Variants in L2HGDH observed in about 807,000 individuals in gnomAD.
The protein encoded by L2HGDH is L-2-hydroxyglutarate dehydrogenase.
A neutral mutation model predicts 51.5 loss-of-function variants in L2HGDH; 34 were observed. The observed-to-expected ratio is 0.66, with a 90% CI of 0.50 to 0.88. The LOEUF (loss-of-function observed/expected upper bound fraction) is 0.88, where lower values mean the gene tolerates loss of function less well. Ranked by LOEUF, L2HGDH falls within the 40% of genes least tolerant of loss-of-function variation. L2HGDH has a pLI of 0.00. For missense variants in L2HGDH, 558 were observed against 571.9 expected (o/e 0.98, Z 0.25); for synonymous variants, 198 against 197.9 (o/e 1.00, Z -0.01).
At chr14:50,259,878 C>T (rs2139954903) in intron 9 of L2HGDH, among the ~76,000 whole-genome samples, 1 of 146,384 alleles carries the variant, frequency 6.8e-6, no homozygotes, top group Non-Finnish European at 1.5e-5. Context: ...TGCTTAGTGT[C>T]AGTAGTCATT....
rs542194311 is a variant in L2HGDH, at chr14:50,277,646, G to A, written c.738+874C>T. Among the ~76,000 whole-genome samples the A allele has an allele frequency of 2.9e-4, 44 of 151,878 alleles. No homozygotes were observed. In the East Asian group the frequency reaches 5.6e-3, roughly 19 times the overall value. On this transcript the variant is annotated intron_variant, in intron 6 of 9. Transcript: ENST00000267436. ...AAAAAATTAGCCAGGTGTGGTGGCG[G>A]GCGCCTGTCCCAGCTACTCGGGAGG...
intron 8 of L2HGDH, 41 bp from the exon 9 acceptor site, chr14:50,265,530 T>C (rs1353890132): frequency 6.5e-7 from 1 of 1,538,114 alleles, no homozygotes; most frequent in Non-Finnish European, 8.9e-7. Flanking sequence ...AGAAAGGAAT[T>C]CTTTATTACG....
chr14:50,254,243 A>T (rs1888525292), intron 9 of L2HGDH, among the ~76,000 whole-genome samples: 1 of 152,148 alleles, frequency 6.6e-6, no homozygotes. Flanking sequence ...ACGAATAACC[A>T]ATTTTCCATA....
intron 9 of L2HGDH, 41 bp downstream of exon 9, chr14:50,265,317 A>C (rs370203574): frequency 2.2e-5 from 35 of 1,559,582 alleles, no homozygotes; most frequent in Non-Finnish European, 3.0e-5. Flanking sequence ...AAGTTCACAT[A>C]GGTCAGGACT....
In L2HGDH at chr14:50,274,895, CACTT is replaced by C. The variant is rs569604035; in HGVS notation, c.738+3621_738+3624del. Among the ~76,000 whole-genome samples the C allele has an allele frequency of 3.1e-3, 425 of 136,616 alleles. 1 individual carries two copies. Among genetic ancestry groups the C allele is most frequent in the Non-Finnish European group, 3.6e-3 (237 of 66,390 alleles). 89.6% of individuals were successfully genotyped at this position (136,616 alleles called of 152,430 possible). ...GTGAAAGACAAATACTGTATGATCT[CACTT>C]ACATGTGAGATCTAAAAAAGTTGAA... is the stretch of plus-strand genomic sequence containing the variant. On this transcript the variant is annotated intron_variant, in intron 6 of 9. Coordinates refer to ENST00000267436, the MANE Select transcript of L2HGDH (RefSeq NM_024884.3).
At chr14:50,256,699 T>G (rs989486735) in intron 9 of L2HGDH, among the ~76,000 whole-genome samples, 4 of 152,094 alleles carry the variant, frequency 2.6e-5, no homozygotes, top group African/African-American at 9.7e-5. Context: ...CTCCTCTTTC[T>G]TCACTTATTG....
intron 1 of L2HGDH, among the ~76,000 whole-genome samples, chr14:50,311,085 G>A (rs2031127630): frequency 1.3e-5 from 2 of 151,466 alleles, no homozygotes; most frequent in Non-Finnish European, 1.5e-5. Flanking sequence ...GATTACAGGC[G>A]CCCACCACCA....
At chr14:50,297,934 CAA>C (rs57169909) in intron 3 of L2HGDH, among the ~76,000 whole-genome samples, 3 of 148,170 alleles carry the variant, frequency 2.0e-5, no homozygotes, top group African/African-American at 2.5e-5. Flanking sequence ...GATCCTAACT[CAA>C]AAAAAAAAAC....
Position 50,243,145 on chromosome 14 carries a change from T to C in L2HGDH, c.*3913A>G. ...GTAAAGGCAACTCCCCAAACAGTGC[T>C]AATGCTGAGAGGATCAAGGGAAGGA... On this transcript the variant is annotated 3_prime_UTR_variant, in exon 10 of 10. Transcript: ENST00000267436. 2 of 985,478 alleles carry C rather than the reference T, an allele frequency of 2.0e-6. No individual in the cohort carries two copies. Among genetic ancestry groups the C allele is most frequent in the Non-Finnish European group, 2.4e-6 (2 of 829,946 alleles). The allele number at this position is 985,478 out of a possible 1,614,324, so 61.0% of individuals were successfully genotyped here.
At position 50,283,827 on chromosome 14, in the gene L2HGDH, T is replaced by C. The variant is rs371600176; in HGVS notation, c.703+44A>G. On this transcript the variant is annotated intron_variant, in intron 5 of 9. Transcript: ENST00000267436. The stretch of plus-strand genomic sequence containing the variant: ...ACCACAGATGCAAAACCCATGGATA[T>C]GGAGGGCTGACTATATTCAATAGAA... The C allele has an allele frequency of 5.0e-5, 78 of 1,574,784 alleles. No individual in the cohort carries two copies. The African/African-American group carries it at 1.0e-3, about 21-fold the overall frequency.
chr14:50,266,562 A>C (rs2139973297), intron 8 of L2HGDH, among the ~76,000 whole-genome samples: 1 of 152,340 alleles, frequency 6.6e-6, no homozygotes, highest in Non-Finnish European at 1.5e-5. Flanking sequence ...GAACTGATTG[A>C]TCCCAGGAGG....
At chr14:50,273,645 A>C (rs1889815603) in intron 6 of L2HGDH, among the ~76,000 whole-genome samples, 1 of 152,216 alleles carries the variant, frequency 6.6e-6, no homozygotes, top group Non-Finnish European at 1.5e-5. Context: ...TCTGCACAGC[A>C]AAAGAAATGA....
chr14:50,250,095 T>A (rs374790436), intron 9 of L2HGDH, among the ~76,000 whole-genome samples: 1 of 152,022 alleles, frequency 6.6e-6, no homozygotes, highest in East Asian at 1.9e-4. Context: ...AGAGATGGGG[T>A]TTCGCCATGG....
At chr14:50,273,670 C>T (rs1432442689) in intron 6 of L2HGDH, among the ~76,000 whole-genome samples, 4 of 151,904 alleles carry the variant, frequency 2.6e-5, no homozygotes, top group African/African-American at 9.7e-5. Context: ...AAAGAGACAA[C>T]CTACAGAATT....
At chr14:50,293,313 CT>C (rs1193384886) in intron 4 of L2HGDH, 1 of 700,964 alleles carries the variant, frequency 1.4e-6, no homozygotes, top group Non-Finnish European at 2.6e-6. Flanking sequence ...ACCTTGACCC[CT>C]AACTTATACC....
At chr14:50,298,518 T>C (rs902622482) in intron 3 of L2HGDH, among the ~76,000 whole-genome samples, 2 of 152,000 alleles carry the variant, frequency 1.3e-5, no homozygotes, top group African/African-American at 4.8e-5. Context: ...TTTCTCCACG[T>C]TGGTCAGTCT....
chr14:50,310,873 C>A (rs1183377428), intron 1 of L2HGDH, among the ~76,000 whole-genome samples: 1 of 151,940 alleles, frequency 6.6e-6, no homozygotes, highest in East Asian at 1.9e-4. Context: ...CACGCAGCAG[C>A]CAGAGTCAAC....
At chr14:50,287,212 A>T (rs1414460246) in intron 4 of L2HGDH, 1 of 985,340 alleles carries the variant, frequency 1.0e-6, no homozygotes. Context: ...AGGTACAGAG[A>T]ACAATATCCA....
chr14:50,242,562 G>C lies in L2HGDH; in HGVS notation c.*4496C>G. On this transcript the variant is annotated 3_prime_UTR_variant, in exon 10 of 10. Transcript: ENST00000267436. ...TGAGGCCAGAAAAGTAGAGTTGGTT[G>C]GTATCAACACTGTTCTTCCCTTCAG... 2.0e-6 allele frequency: 2 copies of C among 984,406 alleles called. No homozygotes were observed. The highest frequency in any genetic ancestry group is 2.4e-6 in the Non-Finnish European group (2 of 829,008). The allele number at this position is 984,406 out of a possible 1,614,324, so 61.0% of individuals were successfully genotyped here.
Sources: gnomAD v4.1 joint callset for allele counts (sites outside exome capture counted in the v4.1 genomes callset) on GRCh38, gnomAD v4.1.1 for gene constraint, MANE v1.5 for transcripts, NCBI Gene and HGNC (gene_info 2026-07-23, HGNC 2026-07-21) for gene names.